The following LRTM3 variants were observed in gnomAD, a reference collection of about 807,000 sequenced individuals.
LRTM3 encodes leucine rich repeat transmembrane protein 3, also known as leucine-rich repeat transmembrane protein 3.
At chr13:102,735,172 G>A in the LRTM3 span, 1 of 1,551,324 alleles carries the variant, frequency 6.4e-7, no homozygotes, top group Non-Finnish European at 8.7e-7. Context: ...GAAGATCACT[G>A]AAACTGTGCG....
the LRTM3 span, chr13:102,729,532 T>G: frequency 6.7e-7 from 1 of 1,498,630 alleles, no homozygotes; most frequent in Non-Finnish European, 8.9e-7. Context: ...TCCAAGAACT[T>G]GAAATCTTTG....
At chr13:102,741,659 T>C in the LRTM3 span, 1 of 1,550,492 alleles carries the variant, frequency 6.4e-7, no homozygotes, top group Non-Finnish European at 8.7e-7. Context: ...GCAAGTCTTC[T>C]GTTGAGAAGT....
the LRTM3 span, chr13:102,745,472 T>A: frequency 2.8e-5 from 44 of 1,550,922 alleles, no homozygotes; most frequent in Non-Finnish European, 3.7e-5. Flanking sequence ...TTCTTTCATT[T>A]TGGTTGTCAA....
At chr13:102,736,492 C>A in the LRTM3 span, 3 of 1,551,090 alleles carry the variant, frequency 1.9e-6, no homozygotes, top group East Asian at 2.4e-5. Flanking sequence ...GTGCTGTTTG[C>A]CTTGAAGGCA....
At chr13:102,744,122 A>C in the LRTM3 span, 11 of 1,550,362 alleles carry the variant, frequency 7.1e-6, no homozygotes, top group African/African-American at 1.4e-4. Context: ...CTTCCCTTTC[A>C]TCTTGTACTT....
chr13:102,748,775 G>C, the LRTM3 span: 2 of 1,550,356 alleles, frequency 1.3e-6, no homozygotes, highest in Non-Finnish European at 1.7e-6. Flanking sequence ...TAGTAAACAA[G>C]GTGCTTTTAG....
At chr13:102,737,096 T>C in the LRTM3 span, 11 of 1,551,228 alleles carry the variant, frequency 7.1e-6, no homozygotes, top group South Asian at 8.3e-5. Context: ...GCCAGGGATA[T>C]TGAGTGTATG....
the LRTM3 span, chr13:102,745,915 TC>T: frequency 1.9e-6 from 3 of 1,551,168 alleles, no homozygotes; most frequent in Admixed American, 5.9e-5. Context: ...TATTTGTACT[TC>T]CTGGTTGGTT....
the LRTM3 span, chr13:102,745,937 T>C: frequency 3.2e-6 from 5 of 1,551,194 alleles, no homozygotes; most frequent in South Asian, 3.6e-5. Context: ...CAGTTCCTCA[T>C]CTGATTTGAC....
chr13:102,734,510 A>C, the LRTM3 span: 1 of 1,551,230 alleles, frequency 6.4e-7, no homozygotes, highest in Non-Finnish European at 8.7e-7. Flanking sequence ...TGTTCTGTGG[A>C]GCATACAGGA....
chr13:102,756,694 AACAAAAAAAC>A, the LRTM3 span, among the ~76,000 whole-genome samples: 16 of 83,696 alleles, frequency 1.9e-4, no homozygotes, highest in African/African-American at 6.5e-4. Flanking sequence ...AAAAAAAAAA[AACAAAAAAAC>A]AAAAAGAGGC....
chr13:102,755,257 G>T, the LRTM3 span, among the ~76,000 whole-genome samples: 1 of 134,882 alleles, frequency 7.4e-6, no homozygotes, highest in East Asian at 2.1e-4. Context: ...CATTTCATAA[G>T]CAAGATAAAA....
the LRTM3 span, chr13:102,748,471 C>A: frequency 5.8e-6 from 9 of 1,551,106 alleles, no homozygotes; most frequent in South Asian, 2.4e-5. Flanking sequence ...AGCACCTTTG[C>A]GTTTTTGGTG....
chr13:102,736,534 G>T, the LRTM3 span: 5 of 1,551,144 alleles, frequency 3.2e-6, no homozygotes, highest in East Asian at 1.2e-4. Context: ...GTGGCATAAA[G>T]CTTCTTGTTA....
chr13:102,746,271 G>A, the LRTM3 span: 46 of 1,551,010 alleles, frequency 3.0e-5, 1 homozygote, highest in East Asian at 1.0e-3. Context: ...CTCAGCTGTG[G>A]CGCTGCTTCT....
At chr13:102,749,601 T>C in the LRTM3 span, 1 of 1,551,354 alleles carries the variant, frequency 6.4e-7, no homozygotes, top group African/African-American at 1.4e-5. Context: ...TGTTGGTTCC[T>C]ATCCAGATCT....
the LRTM3 span, chr13:102,747,468 A>AT: frequency 5.8e-5 from 89 of 1,540,526 alleles, 1 homozygote; most frequent in Admixed American, 2.4e-4. Context: ...GTTTCTGATA[A>AT]TTTTTTTTTA....
At chr13:102,730,015 AG>A in the LRTM3 span, 1 of 1,551,672 alleles carries the variant, frequency 6.4e-7, no homozygotes, top group East Asian at 2.4e-5. Context: ...ATGATACACT[AG>A]ATGACCTAGA....
At chr13:102,737,441 C>G in the LRTM3 span, 1 of 1,550,654 alleles carries the variant, frequency 6.4e-7, no homozygotes, top group Non-Finnish European at 8.7e-7. Context: ...GTGTCCATCC[C>G]TTTTCTCTTG....
Sources: allele counts gnomAD v4.1 joint callset (sites outside exome capture counted in the v4.1 genomes callset), GRCh38; gene constraint gnomAD v4.1.1; transcripts MANE v1.5; gene names NCBI Gene and HGNC (gene_info 2026-07-23, HGNC 2026-07-21).